The following MSI2 variants were observed in gnomAD, a reference collection of about 807,000 sequenced individuals.
MSI2 encodes RNA-binding protein Musashi homolog 2.
Under a neutral mutation model 45.6 loss-of-function variants are expected in MSI2, and 17 were observed. That is an observed-to-expected ratio of 0.37 (90% CI 0.26 to 0.56). The LOEUF is 0.56. Ranked by LOEUF, MSI2 falls within the 20% of genes least tolerant of loss-of-function variation. The pLI, the probability that MSI2 is intolerant of heterozygous loss-of-function variation, is 0.77. For missense variants in MSI2, 293 were observed against 444.2 expected (o/e 0.66, Z 3.06); for synonymous variants, 156 against 158.2 (o/e 0.99, Z 0.11).
At chr17:57,473,920 T>G (rs1357109641) in intron 6 of MSI2, among the ~76,000 whole-genome samples, 1 of 152,250 alleles carries the variant, frequency 6.6e-6, no homozygotes, top group East Asian at 1.9e-4. Flanking sequence ...AATGTGGTTT[T>G]GATCACAACC....
At chr17:57,426,848 C>T (rs774603342) in intron 6 of MSI2, among the ~76,000 whole-genome samples, 2 of 152,180 alleles carry the variant, frequency 1.3e-5, no homozygotes, top group Non-Finnish European at 1.5e-5. Context: ...CAGTGTTCAG[C>T]GTTAGAGTGA....
the MSI2 span, among the ~76,000 whole-genome samples, chr17:57,697,853 G>A: frequency 6.6e-6 from 1 of 152,054 alleles, no homozygotes; most frequent in Non-Finnish European, 1.5e-5. Flanking sequence ...ACAACACGTG[G>A]GAATTATGAG....
chr17:57,645,548 G>A (rs1910592248), intron 10 of MSI2, among the ~76,000 whole-genome samples: 1 of 151,544 alleles, frequency 6.6e-6, no homozygotes, highest in Non-Finnish European at 1.5e-5. Context: ...TGATAGTCAT[G>A]CCTCAGTCTC....
intron 6 of MSI2, among the ~76,000 whole-genome samples, chr17:57,483,778 A>G (rs1411025693): frequency 6.6e-6 from 1 of 152,152 alleles, no homozygotes; most frequent in East Asian, 1.9e-4. Flanking sequence ...GCCAGGATGA[A>G]GAAGCATTGC....
At chr17:57,353,052 C>T (rs1916145458) in intron 5 of MSI2, among the ~76,000 whole-genome samples, 1 of 152,160 alleles carries the variant, frequency 6.6e-6, no homozygotes, top group Admixed American at 6.5e-5. Context: ...ACTGTGACGC[C>T]TTTTATTTCT....
At chr17:57,547,272 C>A (rs543198157) in intron 7 of MSI2, among the ~76,000 whole-genome samples, 7 of 152,220 alleles carry the variant, frequency 4.6e-5, no homozygotes, top group Admixed American at 4.6e-4. Flanking sequence ...GTGAGCCAGG[C>A]AAGGCAGATG....
Position 57,529,046 on chromosome 17 carries a change from A to C in MSI2, c.406-630A>C, listed in dbSNP as rs1048274057. On this transcript the variant is annotated intron_variant, in intron 6 of 13. Coordinates refer to ENST00000284073, the MANE Select transcript of MSI2 (RefSeq NM_138962.4). The surrounding 1 kb of genome is among the most constrained non-coding windows in gnomAD (Gnocchi z 5.3). ...TATACTAACCTGGAAATTGTTTGCC[A>C]TATTGTAATGTTACAGGTTAACAAA... Among the ~76,000 whole-genome samples the C allele has an allele frequency of 1.3e-5, 2 of 152,208 alleles. No individual in the cohort carries two copies. Among genetic ancestry groups the C allele is most frequent in the Non-Finnish European group, 2.9e-5 (2 of 68,036 alleles).
At chr17:57,338,118 C>A (rs911868665) in intron 5 of MSI2, among the ~76,000 whole-genome samples, 1 of 152,120 alleles carries the variant, frequency 6.6e-6, no homozygotes, top group Non-Finnish European at 1.5e-5. Flanking sequence ...GAGACAGAGT[C>A]TCTCTCTGTC....
intron 6 of MSI2, among the ~76,000 whole-genome samples, chr17:57,422,237 G>A (rs538457829): frequency 1.3e-5 from 2 of 152,202 alleles, no homozygotes; most frequent in South Asian, 4.2e-4. Context: ...TGAGGAGGGC[G>A]GATCATGAGA....
chr17:57,478,697 G>A (rs953358802), intron 6 of MSI2, among the ~76,000 whole-genome samples: 3 of 152,148 alleles, frequency 2.0e-5, no homozygotes, highest in East Asian at 1.9e-4. Context: ...TCTCAGAGTC[G>A]GAAGGAATTC....
chr17:57,370,084 T>C (rs1340769300), intron 5 of MSI2, among the ~76,000 whole-genome samples: 4 of 152,278 alleles, frequency 2.6e-5, no homozygotes, highest in Middle Eastern at 3.4e-3. Context: ...AATGAAACGT[T>C]AAAATTTGCC....
At chr17:57,391,870 T>G (rs554745451) in intron 5 of MSI2, among the ~76,000 whole-genome samples, 1 of 152,380 alleles carries the variant, frequency 6.6e-6, no homozygotes, top group South Asian at 2.1e-4. Context: ...TAATTTTGCT[T>G]AATACCACTG....
chr17:57,684,323 T>A lies in MSI2; in HGVS notation c.*4806T>A. The A allele has an allele frequency of 5.2e-6, 1 of 192,628 alleles. No individual in the cohort carries two copies. Among genetic ancestry groups the A allele is most frequent in the East Asian group, 8.1e-5 (1 of 12,338 alleles). The allele number at this position is 192,628 out of a possible 1,614,324, so 11.9% of individuals were successfully genotyped here. A position where few individuals can be genotyped will look rare whatever the true frequency, so the allele number is the denominator to read the frequency against. ...TCTAAGCGTTTCATGTGGACATAAA[T>A]GTATCTAAATAAAACTTTCCCTAGC... On this transcript the variant is annotated 3_prime_UTR_variant, in exon 14 of 14. Coordinates refer to ENST00000284073, the MANE Select transcript of MSI2 (RefSeq NM_138962.4).
At chr17:57,402,080 A>G (rs2084002809) in intron 6 of MSI2, among the ~76,000 whole-genome samples, 1 of 152,208 alleles carries the variant, frequency 6.6e-6, no homozygotes, top group African/African-American at 2.4e-5. Context: ...GCCAGGAAAC[A>G]GAGTGTGAGA....
intron 5 of MSI2, among the ~76,000 whole-genome samples, chr17:57,263,223 T>G (rs1382104567): frequency 6.6e-6 from 1 of 152,222 alleles, no homozygotes; most frequent in Non-Finnish European, 1.5e-5. Flanking sequence ...ATTTCAGGTC[T>G]GGGGCATACC....
intron 6 of MSI2, chr17:57,522,366 C>G (rs954373698): frequency 2.6e-5 from 4 of 152,180 alleles, no homozygotes; most frequent in African/African-American, 9.7e-5. Context: ...TCTTCCCTTT[C>G]CCCTCCCTCC....
chr17:57,462,847 G>A (rs1164853294), intron 6 of MSI2, among the ~76,000 whole-genome samples: 1 of 152,210 alleles, frequency 6.6e-6, no homozygotes, highest in African/African-American at 2.4e-5. Flanking sequence ...TGCAAGGGCT[G>A]CTGTGCCGGC....
intron 5 of MSI2, among the ~76,000 whole-genome samples, chr17:57,378,640 G>A (rs1381790219): frequency 3.3e-5 from 5 of 152,102 alleles, no homozygotes; most frequent in African/African-American, 4.8e-5. Flanking sequence ...CAAGCCATCC[G>A]CCTGCCTCAG....
the MSI2 span, among the ~76,000 whole-genome samples, chr17:57,691,905 A>C: frequency 6.6e-6 from 1 of 152,176 alleles, no homozygotes; most frequent in Non-Finnish European, 1.5e-5. Flanking sequence ...TCCCTGACTC[A>C]TTCCCTATCT....
Sources: allele counts gnomAD v4.1 joint callset (sites outside exome capture counted in the v4.1 genomes callset), GRCh38; gene constraint gnomAD v4.1.1; non-coding constraint Gnocchi (gnomAD v3.1); transcripts MANE v1.5; gene names NCBI Gene and HGNC (gene_info 2026-07-23, HGNC 2026-07-21).